SETBP1: variants seen among roughly 807,000 people sequenced by gnomAD.
SETBP1 encodes the protein SET-binding protein.
SETBP1 carries 9 observed loss-of-function variants against 101.0 expected under a neutral mutation model. That is an observed-to-expected ratio of 0.09 (90% confidence interval 0.05 to 0.16). The LOEUF (loss-of-function observed/expected upper bound fraction) is 0.16, where lower values mean the gene tolerates loss of function less well. Among genes scored for constraint, SETBP1 ranks in the 10% least tolerant of loss-of-function variants. The probability of loss-of-function intolerance (pLI) is 1.00; values close to 1 mark genes in which losing one functional copy is unlikely to be tolerated. For missense variants in SETBP1, 1,858 were observed against 2,033.8 expected (o/e 0.91, Z 1.66); for synonymous variants, 818 against 788.5 (o/e 1.04, Z -0.63).
At chr18:44,896,113 A>G (rs932755081) in intron 3 of SETBP1, among the ~76,000 whole-genome samples, 1 of 152,072 alleles carries the variant, frequency 6.6e-6, no homozygotes, top group Admixed American at 6.5e-5. Context: ...GCCGGTTGTC[A>G]GTTACTTCAT....
At chr18:44,910,887 C>T (rs2144880084) in intron 3 of SETBP1, among the ~76,000 whole-genome samples, 1 of 152,292 alleles carries the variant, frequency 6.6e-6, no homozygotes, top group South Asian at 2.1e-4. Flanking sequence ...CTGCCCCTCA[C>T]ACCCTTTTCA....
chr18:44,979,671 C>G (rs1388192287), intron 4 of SETBP1, among the ~76,000 whole-genome samples: 2 of 152,190 alleles, frequency 1.3e-5, no homozygotes, highest in East Asian at 1.9e-4. Flanking sequence ...GAACTAAGTG[C>G]TAACCAATGG....
chr18:44,796,507 G>A (rs2071477868), intron 2 of SETBP1, among the ~76,000 whole-genome samples: 1 of 152,186 alleles, frequency 6.6e-6, no homozygotes, highest in South Asian at 2.1e-4. Context: ...CTGGGGTGGA[G>A]CCCCACAATC....
chr18:44,757,397 C>A (rs1450824502), intron 2 of SETBP1, among the ~76,000 whole-genome samples: 1 of 152,182 alleles, frequency 6.6e-6, no homozygotes, highest in African/African-American at 2.4e-5. Context: ...GTAGAGCCTG[C>A]CTCACTGCTA....
intron 2 of SETBP1, among the ~76,000 whole-genome samples, chr18:44,731,499 C>T (rs909804864): frequency 2.6e-5 from 4 of 152,068 alleles, no homozygotes; most frequent in Non-Finnish European, 4.4e-5. Context: ...GGCTTCATCT[C>T]GATCTAACCA....
chr18:44,838,390 C>T (rs1338799493), intron 2 of SETBP1, among the ~76,000 whole-genome samples: 1 of 152,108 alleles, frequency 6.6e-6, no homozygotes, highest in Non-Finnish European at 1.5e-5. Context: ...AGATTCTACC[C>T]TTTTTTGATC....
rs201626882 is a variant in SETBP1 at position 44,839,893 on chromosome 18, G to A, written c.487-29337G>A. Reference sequence around the variant, plus strand: ...AGAGGGATGTGATTGCACCTCCTTAGGAAGAGCAGGTGGAGAACAATCATA... The same window carrying A: ...AGAGGGATGTGATTGCACCTCCTTAAGAAGAGCAGGTGGAGAACAATCATA... On this transcript the variant is annotated intron_variant, in intron 2 of 5. Coordinates refer to ENST00000649279, the MANE Select transcript of SETBP1 (RefSeq NM_015559.3). Among the ~76,000 whole-genome samples, 28 of 152,332 alleles carry A rather than the reference G, an allele frequency of 1.8e-4. No individual in the cohort carries two copies. The East Asian group carries it at 4.6e-3, about 25-fold the overall frequency.
At chr18:45,027,709 G>A (rs1432345927) in intron 4 of SETBP1, among the ~76,000 whole-genome samples, 3 of 152,198 alleles carry the variant, frequency 2.0e-5, no homozygotes, top group Admixed American at 6.5e-5. Context: ...ACCAAAGGAA[G>A]TGTTCTTACA....
chr18:44,884,222 G>A (rs8087337), intron 3 of SETBP1, among the ~76,000 whole-genome samples: 2,859 of 152,262 alleles, frequency 0.019, 58 homozygotes, highest in Non-Finnish European at 0.031. Context: ...CCTTGTTCAA[G>A]GTGGATTACT....
At chr18:44,941,448 G>C (rs929576517) in intron 3 of SETBP1, among the ~76,000 whole-genome samples, 1 of 151,740 alleles carries the variant, frequency 6.6e-6, no homozygotes, top group Non-Finnish European at 1.5e-5. Flanking sequence ...CTTTATTTTT[G>C]GTTTTGATCA....
intron 2 of SETBP1, among the ~76,000 whole-genome samples, chr18:44,842,921 A>G (rs1235718364): frequency 1.3e-5 from 2 of 152,220 alleles, no homozygotes; most frequent in Non-Finnish European, 2.9e-5. Context: ...GTCATCAGCC[A>G]TGACCCTTGA....
intron 4 of SETBP1, among the ~76,000 whole-genome samples, chr18:44,989,783 G>A (rs1053206047): frequency 7.0e-6 from 1 of 142,628 alleles, no homozygotes; most frequent in African/African-American, 2.5e-5. Context: ...GCAGGAGAAT[G>A]GCGTGAACCC....
At chr18:44,749,785 A>G (rs973109892) in intron 2 of SETBP1, among the ~76,000 whole-genome samples, 28 of 152,238 alleles carry the variant, frequency 1.8e-4, no homozygotes, top group African/African-American at 6.3e-4. Context: ...GTAGTAATAC[A>G]AAAGGTAAAT....
At chr18:44,681,194 G>A (rs2068754079) in intron 1 of SETBP1, among the ~76,000 whole-genome samples, 173 bp downstream of exon 1, 1 of 152,224 alleles carries the variant, frequency 6.6e-6, no homozygotes, top group African/African-American at 2.4e-5. Context: ...CGTTTCTAGA[G>A]GAGCCGTGGG....
At position 45,002,875 on chromosome 18, in the gene SETBP1, A is replaced by T. The variant is rs2072646034; in HGVS notation, c.4001-35610A>T. On this transcript the variant is annotated intron_variant, in intron 4 of 5. Transcript: ENST00000649279. ...ACAGTGTAGACTTGGCTAAAAATGG[A>T]AACAGTGGGTCTTCTTAACTACTCA... Among the ~76,000 whole-genome samples the T allele has an allele frequency of 7.2e-5, 11 of 152,132 alleles. 1 individual carries two copies. The South Asian group carries it at 2.3e-3, about 32-fold the overall frequency.
At chr18:44,858,548 G>A (rs980043972) in intron 2 of SETBP1, among the ~76,000 whole-genome samples, 2 of 152,240 alleles carry the variant, frequency 1.3e-5, no homozygotes, top group African/African-American at 2.4e-5. Context: ...GTTAGCAGAA[G>A]TATTTGATAG....
intron 5 of SETBP1, among the ~76,000 whole-genome samples, chr18:45,042,029 A>T (rs938172038): frequency 2.0e-5 from 3 of 152,190 alleles, no homozygotes; most frequent in African/African-American, 7.2e-5. Context: ...CACATAGTAC[A>T]TGCTCAGTAA....
intron 4 of SETBP1, among the ~76,000 whole-genome samples, chr18:44,958,062 T>C (rs2071530476): frequency 6.6e-6 from 1 of 152,240 alleles, no homozygotes; most frequent in Non-Finnish European, 1.5e-5. Flanking sequence ...TTCTGTTTTT[T>C]GACTTTCAGT....
At chr18:44,947,575 C>T (rs1274655517) in intron 3 of SETBP1, among the ~76,000 whole-genome samples, 7 of 148,540 alleles carry the variant, frequency 4.7e-5, no homozygotes, top group Admixed American at 2.7e-4. Flanking sequence ...GGCACGATCT[C>T]GGCTCACCAC....
Sources: gnomAD v4.1 joint callset for allele counts (sites outside exome capture counted in the v4.1 genomes callset) on GRCh38, gnomAD v4.1.1 for gene constraint, MANE v1.5 for transcripts, NCBI Gene and HGNC (gene_info 2026-07-23, HGNC 2026-07-21) for gene names.